ARHGAP20: variants seen among roughly 807,000 people sequenced by gnomAD.
ARHGAP20 encodes rho GTPase-activating protein 20.
Under a neutral mutation model 73.7 loss-of-function variants are expected in ARHGAP20, and 34 were observed. The observed-to-expected ratio is 0.46, with a 90% CI of 0.35 to 0.61. The LOEUF (loss-of-function observed/expected upper bound fraction) is 0.61. Ranked by LOEUF, ARHGAP20 falls within the 20% of genes least tolerant of loss-of-function variation. The pLI, the probability that ARHGAP20 is intolerant of heterozygous loss-of-function variation, is 0.00. For synonymous variants in ARHGAP20, 523 were observed against 518.2 expected (o/e 1.01, Z -0.13); for missense variants, 1,314 against 1,420.9 (o/e 0.92, Z 1.21).
intron 1 of ARHGAP20, among the ~76,000 whole-genome samples, chr11:110,695,963 A>G (rs553698672): frequency 6.6e-6 from 1 of 151,792 alleles, no homozygotes; most frequent in East Asian, 1.9e-4. Context: ...TGGTATATCT[A>G]TACAACAAAA....
In ARHGAP20 at chr11:110,580,928, T is replaced by C. The variant is rs1250837265; in HGVS notation, c.2018A>G (p.His673Arg). Reference sequence around the variant, plus strand: ...GCACATGGCAGATGGGGCCCTGGCATGATCCCGCAGTGGGATCTTTGTGTA... The same window carrying C: ...GCACATGGCAGATGGGGCCCTGGCACGATCCCGCAGTGGGATCTTTGTGTA... ...LVYTKIPLRDHARAPSAMCTP... is the reference protein window; with the variant it reads ...LVYTKIPLRDRARAPSAMCTP... The change falls in exon 15 of 15, where the codon CAT becomes CGT. Residue 673 changes from histidine to arginine, a missense_variant. Physicochemically the swap from His to Arg is conservative, Grantham distance 29 (BLOSUM62 0). This residue lies in a region of ARHGAP20 where 641 missense variants were observed against 636.9 expected (regional missense o/e 1.01). Coordinates refer to ENST00000683387, the MANE Select transcript of ARHGAP20 (RefSeq NM_001384657.1). 2 of 1,614,044 alleles carry C rather than the reference T, an allele frequency of 1.2e-6. No individual in the cohort carries two copies. Among genetic ancestry groups the C allele is most frequent in the Non-Finnish European group, 1.7e-6 (2 of 1,179,872 alleles).
chr11:110,652,892 A>G (rs2135019257), intron 2 of ARHGAP20, among the ~76,000 whole-genome samples: 1 of 152,312 alleles, frequency 6.6e-6, no homozygotes, highest in South Asian at 2.1e-4. Context: ...ATGCGACAGA[A>G]CAGAAAATTC....
At chr11:110,676,227 T>G (rs1392789464) in intron 2 of ARHGAP20, among the ~76,000 whole-genome samples, 1 of 152,176 alleles carries the variant, frequency 6.6e-6, no homozygotes, top group Non-Finnish European at 1.5e-5. Context: ...ATCATGTTTG[T>G]CATCAGTTTT....
At chr11:110,658,937 C>T (rs1188334293) in intron 2 of ARHGAP20, among the ~76,000 whole-genome samples, 1 of 152,226 alleles carries the variant, frequency 6.6e-6, no homozygotes, top group African/African-American at 2.4e-5. Context: ...CCTCACTCTG[C>T]TTAATCACTT....
At chr11:110,601,821 T>TAA (rs1225718964) in intron 9 of ARHGAP20, among the ~76,000 whole-genome samples, 2 of 151,014 alleles carry the variant, frequency 1.3e-5, no homozygotes, top group African/African-American at 4.9e-5. Context: ...CCATCTCTAC[T>TAA]AAAAATACAA....
At chr11:110,696,249 G>A (rs1030772795) in intron 1 of ARHGAP20, among the ~76,000 whole-genome samples, 17 of 151,524 alleles carry the variant, frequency 1.1e-4, no homozygotes, top group African/African-American at 4.1e-4. Flanking sequence ...CTGTGGTGAT[G>A]AATGTACAAT....
chr11:110,579,443 T>G lies in ARHGAP20; in HGVS notation c.3503A>C (p.Asp1168Ala). 1 of 1,614,094 alleles carries G rather than the reference T, an allele frequency of 6.2e-7. No homozygotes were observed. Among genetic ancestry groups the G allele is most frequent in the Non-Finnish European group, 8.5e-7 (1 of 1,179,954 alleles). ...RASASSWTLE[D>A]ATSPDSGPTV... Reference sequence around the variant, plus strand: ...AGGCCCTGAGTCTGGGCTGGTCGCATCCTCTAGAGTCCAAGAGCTGGCTGA... The same window carrying G: ...AGGCCCTGAGTCTGGGCTGGTCGCAGCCTCTAGAGTCCAAGAGCTGGCTGA... Residue 1168 changes from aspartate (D) to alanine (A), a missense_variant, in exon 15 of 15, where the codon GAT becomes GCT. This residue lies in a region of ARHGAP20 where 641 missense variants were observed against 636.9 expected (regional missense o/e 1.01). Coordinates refer to ENST00000683387, the MANE Select transcript of ARHGAP20 (RefSeq NM_001384657.1).
At chr11:110,688,999 G>GC (rs1555103221) in intron 2 of ARHGAP20, among the ~76,000 whole-genome samples, 7,910 of 137,562 alleles carry the variant, frequency 0.058, 254 homozygotes, top group Middle Eastern at 0.11. Flanking sequence ...CTTTCATATA[G>GC]TTTTTTTTTT....
intron 3 of ARHGAP20, among the ~76,000 whole-genome samples, chr11:110,629,710 C>T (rs190905572): frequency 6.6e-6 from 1 of 152,334 alleles, no homozygotes; most frequent in Admixed American, 6.5e-5. Flanking sequence ...GCCTTTTACT[C>T]ATACACGTGG....
chr11:110,692,067 A>G (rs1352625214), intron 1 of ARHGAP20, among the ~76,000 whole-genome samples: 1 of 152,074 alleles, frequency 6.6e-6, no homozygotes, highest in Admixed American at 6.6e-5. Context: ...CCTTTCCAAC[A>G]CTGGTGATTT....
intron 2 of ARHGAP20, among the ~76,000 whole-genome samples, chr11:110,690,011 C>T (rs1950211656): frequency 6.6e-6 from 1 of 151,010 alleles, no homozygotes; most frequent in African/African-American, 2.4e-5. Flanking sequence ...AGCAATTAGC[C>T]TCCATTGGTG....
intron 2 of ARHGAP20, among the ~76,000 whole-genome samples, chr11:110,654,759 A>G (rs944895241): frequency 6.6e-6 from 1 of 152,226 alleles, no homozygotes; most frequent in Non-Finnish European, 1.5e-5. Flanking sequence ...CATTCAGCGT[A>G]AGTGCTAAAG....
chr11:110,607,530 A>T (rs1042591565), intron 8 of ARHGAP20, among the ~76,000 whole-genome samples: 1 of 152,136 alleles, frequency 6.6e-6, no homozygotes, highest in Admixed American at 6.5e-5. Context: ...GATTTTTTTT[A>T]AGTACAGAGA....
At chr11:110,698,839 T>C (rs1950388525) in intron 1 of ARHGAP20, among the ~76,000 whole-genome samples, 1 of 151,824 alleles carries the variant, frequency 6.6e-6, no homozygotes, top group Non-Finnish European at 1.5e-5. Flanking sequence ...CAGTCTGTCA[T>C]TTTTGTGTAA....
intron 2 of ARHGAP20, among the ~76,000 whole-genome samples, chr11:110,657,552 C>G (rs1949492622): frequency 1.3e-5 from 2 of 151,988 alleles, no homozygotes; most frequent in South Asian, 4.1e-4. Flanking sequence ...AGTAGACAAA[C>G]AGAAGGGGAG....
At position 110,696,772 on chromosome 11, in the gene ARHGAP20, T is replaced by C. The variant is rs578195567; in HGVS notation, c.106-6143A>G. On this transcript the variant is annotated intron_variant, in intron 1 of 14. Transcript: ENST00000683387. The stretch of plus-strand genomic sequence containing the variant: ...CCAGTGTTTATTATTTCCATCTTTA[T>C]GTCCATTTGTATCCATTGTTAGATC... Among the ~76,000 whole-genome samples the C allele has an allele frequency of 6.5e-4, 99 of 151,816 alleles. 1 individual carries two copies. Among genetic ancestry groups the C allele is most frequent in the Non-Finnish European group, 1.0e-4 (7 of 67,698 alleles).
At chr11:110,636,211 T>C (rs1328243465) in intron 2 of ARHGAP20, among the ~76,000 whole-genome samples, 2 of 152,104 alleles carry the variant, frequency 1.3e-5, no homozygotes, top group South Asian at 2.1e-4. Context: ...GCCCTTGTAT[T>C]GCAAAGTCAA....
chr11:110,605,009 A>G (rs1462526953), intron 9 of ARHGAP20, among the ~76,000 whole-genome samples: 5 of 152,222 alleles, frequency 3.3e-5, no homozygotes, highest in African/African-American at 9.6e-5. Flanking sequence ...GATACCAAGT[A>G]GTCTTGATGC....
At chr11:110,612,320 C>T (rs1438973967) in intron 6 of ARHGAP20, among the ~76,000 whole-genome samples, 16 of 150,990 alleles carry the variant, frequency 1.1e-4, no homozygotes, top group South Asian at 4.2e-4. Context: ...CCCAGCTACT[C>T]GGGAGGCTGA....
Sources: gnomAD v4.1 joint callset for allele counts (sites outside exome capture counted in the v4.1 genomes callset) on GRCh38, gnomAD v4.1.1 for gene constraint, gnomAD v4.1.1 regional missense constraint, MANE v1.5 for transcripts, NCBI Gene and HGNC (gene_info 2026-07-23, HGNC 2026-07-21) for gene names.